The following SLC24A2 variants were observed in gnomAD, a reference collection of about 807,000 sequenced individuals.
SLC24A2 encodes the protein solute carrier family 24 member 2.
A neutral mutation model predicts 62.0 loss-of-function variants in SLC24A2; 36 were observed. That is an observed-to-expected ratio of 0.58 (90% CI 0.44 to 0.77). The LOEUF (loss-of-function observed/expected upper bound fraction) is 0.77. SLC24A2 is among the 30% of genes least tolerant of loss of function. The probability of loss-of-function intolerance (pLI) is 0.00; values close to 1 mark genes in which losing one functional copy is unlikely to be tolerated. For missense variants in SLC24A2, 846 were observed against 817.9 expected, an observed-to-expected ratio of 1.03 and a Z score of -0.42; for synonymous variants, 358 against 294.0, an observed-to-expected ratio of 1.22 and a Z score of -2.23.
At position 19,517,945 on chromosome 9, in the gene SLC24A2, A is replaced by ACT. The variant is rs796253909; in HGVS notation, c.1737-1544_1737-1543insAG. Among the ~76,000 whole-genome samples the ACT allele has an allele frequency of 3.7e-4, 56 of 149,582 alleles. No individual in the cohort carries two copies. In the South Asian group the frequency reaches 0.011, roughly 31 times the overall value. On this transcript the variant is annotated intron_variant, in intron 10 of 10. Transcript: ENST00000341998. The stretch of plus-strand genomic sequence containing the variant: ...CACACACACACACACACACACACAC[A>ACT]CACACACACACACTCTCACACTTCT...
At chr9:19,675,178 G>T (rs2092255326) in intron 2 of SLC24A2, among the ~76,000 whole-genome samples, 1 of 152,092 alleles carries the variant, frequency 6.6e-6, no homozygotes, top group Non-Finnish European at 1.5e-5. Flanking sequence ...TGGTACTGGG[G>T]GTGTCTGCAA....
At chr9:20,075,722 G>A in the SLC24A2 span, among the ~76,000 whole-genome samples, 1 of 152,056 alleles carries the variant, frequency 6.6e-6, no homozygotes, top group East Asian at 1.9e-4. Context: ...TTGCACTACT[G>A]CATCCCCAAA....
the SLC24A2 span, among the ~76,000 whole-genome samples, chr9:20,240,757 G>A: frequency 6.6e-6 from 1 of 152,122 alleles, no homozygotes; most frequent in Non-Finnish European, 1.5e-5. Context: ...GAGCAAAGGG[G>A]AGGAAAATTC....
chr9:19,814,308 G>C, the SLC24A2 span, among the ~76,000 whole-genome samples: 1 of 152,190 alleles, frequency 6.6e-6, no homozygotes, highest in African/African-American at 2.4e-5. Flanking sequence ...CTAGCACTCT[G>C]TTCCAAAGTG....
chr9:19,667,815 G>A (rs533145224), intron 2 of SLC24A2, among the ~76,000 whole-genome samples: 3 of 152,172 alleles, frequency 2.0e-5, no homozygotes, highest in Admixed American at 6.5e-5. Context: ...CAACAATACC[G>A]TGCTGCTCCT....
the SLC24A2 span, among the ~76,000 whole-genome samples, chr9:20,095,760 TA>T: frequency 7.4e-5 from 11 of 148,548 alleles, no homozygotes; most frequent in Middle Eastern, 3.5e-3. Flanking sequence ...GGTAATTTAT[TA>T]AAAAAAAAAG....
At chr9:19,677,896 T>G (rs940357757) in intron 2 of SLC24A2, among the ~76,000 whole-genome samples, 2 of 151,470 alleles carry the variant, frequency 1.3e-5, no homozygotes, top group Non-Finnish European at 2.9e-5. Context: ...TAAGCAAACA[T>G]AAGCATATAA....
chr9:19,579,308 T>A (rs1836132700), intron 5 of SLC24A2, among the ~76,000 whole-genome samples: 1 of 152,186 alleles, frequency 6.6e-6, no homozygotes, highest in African/African-American at 2.4e-5. Flanking sequence ...GCTGTGTGGA[T>A]GCAAGATACT....
the SLC24A2 span, among the ~76,000 whole-genome samples, chr9:20,068,360 C>T: frequency 9.9e-5 from 15 of 152,206 alleles, no homozygotes; most frequent in South Asian, 2.1e-4. Flanking sequence ...CCGCACCTAG[C>T]CTTCTTGACT....
At chr9:19,860,361 C>T in the SLC24A2 span, among the ~76,000 whole-genome samples, 1 of 152,256 alleles carries the variant, frequency 6.6e-6, no homozygotes, top group African/African-American at 2.4e-5. Flanking sequence ...GAACCTGCTG[C>T]CTTGAAGGCA....
At chr9:19,829,808 TATACACACAC>T in the SLC24A2 span, among the ~76,000 whole-genome samples, 73 of 26,740 alleles carry the variant, frequency 2.7e-3, no homozygotes, top group Middle Eastern at 0.019. Flanking sequence ...TATATATATA[TATACACACAC>T]ACACACACAC....
chr9:19,918,214 C>T, the SLC24A2 span, among the ~76,000 whole-genome samples: 1 of 150,496 alleles, frequency 6.6e-6, no homozygotes. Context: ...ACCATCTTTA[C>T]ATTCCTGGGA....
chr9:20,135,754 A>G, the SLC24A2 span, among the ~76,000 whole-genome samples: 1 of 152,080 alleles, frequency 6.6e-6, no homozygotes, highest in Non-Finnish European at 1.5e-5. Flanking sequence ...ATTTCTGAGA[A>G]TGCATTTCTG....
chr9:19,891,474 T>C, the SLC24A2 span, among the ~76,000 whole-genome samples: 2 of 152,220 alleles, frequency 1.3e-5, no homozygotes, highest in African/African-American at 2.4e-5. Context: ...CATCTGCTTC[T>C]GGTTAGGGCT....
chr9:19,955,413 G>A, the SLC24A2 span, among the ~76,000 whole-genome samples: 2 of 147,412 alleles, frequency 1.4e-5, no homozygotes, highest in Non-Finnish European at 3.0e-5. Flanking sequence ...TTATTGAGAT[G>A]TTAGTAAGGG....
the SLC24A2 span, among the ~76,000 whole-genome samples, chr9:20,139,838 T>C: frequency 6.6e-6 from 1 of 152,320 alleles, no homozygotes; most frequent in South Asian, 2.1e-4. Flanking sequence ...AAAGCACTGA[T>C]GCTTCTGGGA....
rs1818206975 is a variant in SLC24A2, at chr9:19,632,612, A to AT, written c.931-10314dup. 6.6e-6 allele frequency among the ~76,000 whole-genome samples: 1 copy of AT among 152,214 alleles called. No homozygotes were observed. Among genetic ancestry groups the AT allele is most frequent in the African/African-American group, 2.4e-5 (1 of 41,454 alleles). ...TCATTCATAATCTTAGGTGGCAGGT[A>AT]TTATTAGGAAACATTTTTAATAACT... On this transcript the variant is annotated intron_variant, in intron 2 of 10. Transcript: ENST00000341998. This position sits in a 1 kb window ranked among gnomAD's most constrained non-coding sequence, Gnocchi z 4.5.
chr9:20,218,221 C>A, the SLC24A2 span, among the ~76,000 whole-genome samples: 2 of 152,204 alleles, frequency 1.3e-5, no homozygotes, highest in Non-Finnish European at 2.9e-5. Context: ...CTTATTTGCT[C>A]CTGTTGGTTG....
the SLC24A2 span, among the ~76,000 whole-genome samples, chr9:19,858,848 G>A: frequency 2.0e-5 from 3 of 152,078 alleles, no homozygotes; most frequent in African/African-American, 7.2e-5. Flanking sequence ...TCAAAAAATA[G>A]CAGATGCTGG....
Sources: allele counts gnomAD v4.1 joint callset (sites outside exome capture counted in the v4.1 genomes callset), GRCh38; gene constraint gnomAD v4.1.1; non-coding constraint Gnocchi (gnomAD v3.1); transcripts MANE v1.5; gene names NCBI Gene and HGNC (gene_info 2026-07-23, HGNC 2026-07-21).